EEF1E1: variants seen among roughly 807,000 people sequenced by gnomAD.
EEF1E1 encodes eukaryotic translation elongation factor 1 epsilon-1.
A neutral mutation model predicts 19.9 loss-of-function variants in EEF1E1; 19 were observed. That is an observed-to-expected ratio of 0.95 (90% CI 0.66 to 1.40). The LOEUF (loss-of-function observed/expected upper bound fraction) is 1.40. Ranked by LOEUF, EEF1E1 falls within the 40% of genes most tolerant of loss-of-function variation. The pLI, the probability that EEF1E1 is intolerant of heterozygous loss-of-function variation, is 0.00. For synonymous variants in EEF1E1, 81 were observed against 80.0 expected, an observed-to-expected ratio of 1.01 and a Z score of -0.07; for missense variants, 198 against 202.2, an observed-to-expected ratio of 0.98 and a Z score of 0.13.
At chr6:8,099,484 C>T (rs1311592030) in intron 1 of EEF1E1, among the ~76,000 whole-genome samples, 2 of 152,104 alleles carry the variant, frequency 1.3e-5, no homozygotes, top group East Asian at 1.9e-4. Context: ...CAGTGGCTCA[C>T]GCCTGTAATC....
At chr6:8,096,158 T>A (rs72820116) in intron 2 of EEF1E1, among the ~76,000 whole-genome samples, 9 of 152,368 alleles carry the variant, frequency 5.9e-5, no homozygotes, top group Non-Finnish European at 1.2e-4. Flanking sequence ...AATATAACTT[T>A]TGAATCTTAT....
At chr6:8,100,046 A>C (rs1460226723) in intron 1 of EEF1E1, among the ~76,000 whole-genome samples, 2 of 152,144 alleles carry the variant, frequency 1.3e-5, no homozygotes, top group Non-Finnish European at 2.9e-5. Context: ...AAAATGGCTG[A>C]ATCTTATCAC....
chr6:8,078,680 G>A (rs1757655508), downstream of EEF1E1: 1 of 1,285,062 alleles, frequency 7.8e-7, no homozygotes, highest in African/African-American at 1.5e-5. Context: ...TCACTTCAGA[G>A]ACAAACATGG....
chr6:8,082,338 C>T (rs55867108), intron 3 of EEF1E1, among the ~76,000 whole-genome samples: 13,617 of 152,164 alleles, frequency 0.089, 794 homozygotes, highest in Admixed American at 0.18. Flanking sequence ...AGGGCAGTGG[C>T]GCGATCTGGG....
At chr6:8,086,834 G>C (rs899295482) in intron 3 of EEF1E1, among the ~76,000 whole-genome samples, 1 of 152,156 alleles carries the variant, frequency 6.6e-6, no homozygotes, top group Non-Finnish European at 1.5e-5. Context: ...CACATGCCAG[G>C]AATTACCTCA....
intron 3 of EEF1E1, among the ~76,000 whole-genome samples, chr6:8,089,441 C>G (rs182405211): frequency 1.4e-3 from 212 of 152,244 alleles, no homozygotes; most frequent in African/African-American, 4.7e-3. Flanking sequence ...AGAGCCAGTC[C>G]GAGTTCCAAA....
chr6:8,090,110 T>C, intron 3 of EEF1E1, 76 bp downstream of exon 3: 1 of 1,281,392 alleles, frequency 7.8e-7, no homozygotes, highest in Non-Finnish European at 1.1e-6. Flanking sequence ...GCAAATCTGA[T>C]TTAAATTCAA....
At chr6:8,087,159 A>C (rs1046053000) in intron 3 of EEF1E1, among the ~76,000 whole-genome samples, 1 of 152,214 alleles carries the variant, frequency 6.6e-6, no homozygotes, top group Non-Finnish European at 1.5e-5. Context: ...AGCATACAGC[A>C]GGCTCTGGGG....
At chr6:8,093,338 T>C (rs1263418716) in intron 2 of EEF1E1, among the ~76,000 whole-genome samples, 4 of 151,186 alleles carry the variant, frequency 2.6e-5, no homozygotes, top group African/African-American at 7.3e-5. Context: ...TTTTTTTTTT[T>C]TTTTTACAAT....
chr6:8,088,053 T>C (rs192248983), intron 3 of EEF1E1, among the ~76,000 whole-genome samples: 63 of 151,904 alleles, frequency 4.1e-4, no homozygotes, highest in Admixed American at 6.6e-4. Flanking sequence ...AGAAAACACT[T>C]GACCTCTCTA....
chr6:8,102,300 G>A, intron 1 of EEF1E1, 135 bp downstream of exon 1: 1 of 1,011,410 alleles, frequency 9.9e-7, no homozygotes, highest in Non-Finnish European at 1.4e-6. Context: ...GCCGGCTAGC[G>A]GCGCAGACAC....
Position 8,088,651 on chromosome 6 carries a change from T to C in EEF1E1, c.384+1535A>G, listed in dbSNP as rs192744374. On this transcript the variant is annotated intron_variant, in intron 3 of 3. Transcript: ENST00000379715. ...CCACTGTTAAGTCCATTAAACCCTTTTTCCTGTATATATATTACCCAGTCT... is the reference window on the plus strand; with the variant it reads ...CCACTGTTAAGTCCATTAAACCCTTCTTCCTGTATATATATTACCCAGTCT... Among the ~76,000 whole-genome samples, 272 of 152,342 alleles carry C rather than the reference T, an allele frequency of 1.8e-3. 3 individuals carry two copies. Among genetic ancestry groups the C allele is most frequent in the African/African-American group, 6.3e-3 (261 of 41,574 alleles).
chr6:8,079,817 T>G lies in EEF1E1; in HGVS notation c.*73A>C. The G allele has an allele frequency of 6.7e-7, 1 of 1,493,962 alleles. No homozygotes were observed. The highest frequency in any genetic ancestry group is 9.0e-7 in the Non-Finnish European group (1 of 1,115,822). The allele number at this position is 1,493,962 out of a possible 1,614,324, so 92.5% of individuals were successfully genotyped here. A position where few individuals can be genotyped will look rare whatever the true frequency, so the allele number is the denominator to read the frequency against. ...TGAATGACTGTATATTAATTTACAT[T>G]AGTCCTGTGGTCTAGAGTACATTTT... is the stretch of plus-strand genomic sequence containing the variant. On this transcript the variant is annotated 3_prime_UTR_variant, in exon 4 of 4. Transcript: ENST00000379715.
At chr6:8,074,380 TCAGTAC>T (rs1757545504) in intron 3 of EEF1E1, among the ~76,000 whole-genome samples, 1 of 152,174 alleles carries the variant, frequency 6.6e-6, no homozygotes, top group African/African-American at 2.4e-5. Flanking sequence ...CTCAGTCAGC[TCAGTAC>T]ATTCTTTTAC....
chr6:8,096,690 A>G (rs1341494055), intron 2 of EEF1E1, among the ~76,000 whole-genome samples: 1 of 152,188 alleles, frequency 6.6e-6, no homozygotes, highest in Non-Finnish European at 1.5e-5. Context: ...ATTAACAAAA[A>G]TAACTTCATT....
In EEF1E1 at chr6:8,079,428, A is replaced by T. The variant is rs1376317598; in HGVS notation, c.*462T>A. The T allele has an allele frequency of 1.0e-6, 1 of 989,614 alleles. No individual in the cohort carries two copies. Among genetic ancestry groups the T allele is most frequent in the East Asian group, 1.1e-4 (1 of 9,006 alleles). The allele number at this position is 989,614 out of a possible 1,614,324, so 61.3% of individuals were successfully genotyped here. On this transcript the variant is annotated 3_prime_UTR_variant, in exon 4 of 4. Transcript: ENST00000379715. ...CAACCACATTTACTAGCTCACATAA[A>T]TATTTTAAAACAAATCCATCTGTCT...
At chr6:8,098,267 G>A (rs976250447) in intron 1 of EEF1E1, among the ~76,000 whole-genome samples, 3 of 151,960 alleles carry the variant, frequency 2.0e-5, no homozygotes, top group Admixed American at 6.6e-5. Context: ...CTACAGGCAC[G>A]TGCCACCACA....
At chr6:8,088,473 T>C (rs1448287943) in intron 3 of EEF1E1, among the ~76,000 whole-genome samples, 3 of 152,154 alleles carry the variant, frequency 2.0e-5, no homozygotes, top group South Asian at 2.1e-4. Flanking sequence ...TGTGCTGTTC[T>C]TGTGATAGTG....
intron 3 of EEF1E1, among the ~76,000 whole-genome samples, chr6:8,087,918 T>C (rs912586827): frequency 1.3e-5 from 2 of 151,356 alleles, no homozygotes; most frequent in African/African-American, 2.4e-5. Context: ...GGAAGATGGG[T>C]GTTGGGGTGA....
Sources: allele counts gnomAD v4.1 joint callset (sites outside exome capture counted in the v4.1 genomes callset), GRCh38; gene constraint gnomAD v4.1.1; transcripts MANE v1.5; gene names NCBI Gene and HGNC (gene_info 2026-07-23, HGNC 2026-07-21).